Variants in FOXK1 observed in about 807,000 individuals in gnomAD.
FOXK1 encodes forkhead box K1.
A neutral mutation model predicts 51.9 loss-of-function variants in FOXK1; 19 were observed. The observed-to-expected ratio is 0.37, with a 90% confidence interval of 0.26 to 0.54. FOXK1 has a LOEUF of 0.54. Ranked by LOEUF, FOXK1 falls within the 20% of genes least tolerant of loss-of-function variation. FOXK1 has a pLI of 0.87. For synonymous variants in FOXK1, 537 were observed against 482.6 expected, an observed-to-expected ratio of 1.11 and a Z score of -1.48; for missense variants, 870 against 1,032.7, an observed-to-expected ratio of 0.84 and a Z score of 2.16.
intron 2 of FOXK1, 115 bp from the exon 3 acceptor site, chr7:4,754,344 A>G: frequency 8.2e-7 from 1 of 1,225,128 alleles, no homozygotes; most frequent in African/African-American, 1.5e-5. Context: ...TTAAAATTGG[A>G]AAGTGTGAGC....
chr7:4,754,477 A>T lies in FOXK1; in HGVS notation c.765A>T (p.Pro255=). Residue 255 remains proline (P), a synonymous_variant, in exon 3 of 9, where the codon CCA becomes CCT. Transcript: ENST00000328914. Reference sequence around the variant, plus strand: ...TCCTCAGTGTCCCCAACTCCTGCCCAGCCAGTCCACGCGGTGCCGGCTCCT... The same window carrying T: ...TCCTCAGTGTCCCCAACTCCTGCCCTGCCAGTCCACGCGGTGCCGGCTCCT... ...TGTISVPNSC[P]ASPRGAGSSS... 1 of 1,613,310 alleles carries T rather than the reference A, an allele frequency of 6.2e-7. No homozygotes were observed. The highest frequency in any genetic ancestry group is 8.5e-7 in the Non-Finnish European group (1 of 1,179,990).
At chr7:4,685,054 G>T (rs1779801410) in intron 1 of FOXK1, among the ~76,000 whole-genome samples, 1 of 151,946 alleles carries the variant, frequency 6.6e-6, no homozygotes. Flanking sequence ...AGATGTGCGT[G>T]AAGTGCTTGG....
At chr7:4,705,948 A>ATATATATATATATG (rs1562372889) in intron 1 of FOXK1, among the ~76,000 whole-genome samples, 9 of 130,616 alleles carry the variant, frequency 6.9e-5, no homozygotes, top group African/African-American at 3.3e-4. Context: ...TTTCAAAATT[A>ATATATATATATATG]TATATATATA....
rs1284515135 is a variant in FOXK1, at chr7:4,711,691, G to A, written c.560+28823G>A. The stretch of plus-strand genomic sequence containing the variant: ...TATCTGCATCACCCATAAGGGGTGG[G>A]CAGTGGTGCTGCCGTGTCTTGTCAG... On this transcript the variant is annotated intron_variant, in intron 1 of 8. Coordinates refer to ENST00000328914, the MANE Select transcript of FOXK1 (RefSeq NM_001037165.2). The surrounding 1 kb of genome is among the most constrained non-coding windows in gnomAD (Gnocchi z 6.3). 6.6e-6 allele frequency among the ~76,000 whole-genome samples: 1 copy of A among 152,222 alleles called. No individual in the cohort carries two copies. The highest frequency in any genetic ancestry group is 1.5e-5 in the Non-Finnish European group (1 of 68,038).
chr7:4,762,377 C>G lies in FOXK1; in HGVS notation c.2115C>G (p.Ser705=). ...SSTGEPEVKR[S]RVEEPSGAVT... ...CTGGAGAGCCCGAGGTCAAAAGGTCCCGGGTGGAGGAGCCCAGTGGTGCTG... is the reference window on the plus strand; with the variant it reads ...CTGGAGAGCCCGAGGTCAAAAGGTCGCGGGTGGAGGAGCCCAGTGGTGCTG... The change falls in exon 9 of 9, where the codon TCC becomes TCG. Residue 705 remains serine, a synonymous_variant. Coordinates refer to ENST00000328914, the MANE Select transcript of FOXK1 (RefSeq NM_001037165.2). The surrounding 1 kb of genome is among the most constrained non-coding windows in gnomAD (Gnocchi z 5.7). 1 of 1,550,082 alleles carries G rather than the reference C, an allele frequency of 6.5e-7. No homozygotes were observed. The highest frequency in any genetic ancestry group is 2.0e-5 in the Admixed American group (1 of 51,080).
chr7:4,727,099 C>T (rs942539440), intron 1 of FOXK1, among the ~76,000 whole-genome samples: 1 of 151,962 alleles, frequency 6.6e-6, no homozygotes, highest in African/African-American at 2.4e-5. Context: ...GCATGCACCA[C>T]TATGCCAGGC....
chr7:4,757,634 C>CAAAAAAAAAAAAAAAAAAA (rs59200954), intron 5 of FOXK1, among the ~76,000 whole-genome samples: 1 of 20,196 alleles, frequency 5.0e-5, no homozygotes, highest in African/African-American at 9.1e-5. Flanking sequence ...AACTCCGTCT[C>CAAAAAAAAAAAAAAAAAAA]AAAAAAAAAA....
chr7:4,711,697 G>C lies in FOXK1; in HGVS notation c.560+28829G>C, dbSNP rs1011549955. Among the ~76,000 whole-genome samples, 1 of 152,250 alleles carries C rather than the reference G, an allele frequency of 6.6e-6. No individual in the cohort carries two copies. The highest frequency in any genetic ancestry group is 2.4e-5 in the African/African-American group (1 of 41,468). ...CATCACCCATAAGGGGTGGGCAGTG[G>C]TGCTGCCGTGTCTTGTCAGGAGGCC... On this transcript the variant is annotated intron_variant, in intron 1 of 8. Transcript: ENST00000328914. The surrounding 1 kb of genome is among the most constrained non-coding windows in gnomAD (Gnocchi z 6.3).
chr7:4,750,762 T>A (rs1164660175), intron 2 of FOXK1, among the ~76,000 whole-genome samples: 1 of 151,922 alleles, frequency 6.6e-6, no homozygotes, highest in African/African-American at 2.4e-5. Flanking sequence ...TGGAGTACAA[T>A]GGCATAATCT....
In FOXK1 at chr7:4,740,853, TC is replaced by T; in HGVS notation, c.579del (p.Ser194AlafsTer32). ...QLPKQCTFRF[P>X]STAIKIQFTS... ...CCTGTTGCAGGTGTACCTTCCGGTT[TC>T]CCAGCACGGCCATCAAGATCCAGTT... On this transcript the variant is annotated frameshift_variant, in exon 2 of 9. Coordinates refer to ENST00000328914, the MANE Select transcript of FOXK1 (RefSeq NM_001037165.2). LOFTEE classifies it high-confidence loss of function. 2 of 1,595,922 alleles carry T rather than the reference TC, an allele frequency of 1.3e-6. No individual in the cohort carries two copies. Among genetic ancestry groups the T allele is most frequent in the South Asian group, 1.1e-5 (1 of 88,140 alleles).
In FOXK1 at chr7:4,740,991, C is replaced by G; in HGVS notation, c.714C>G (p.Val238=). The part of the protein sequence containing the change: ...HIPEPDLRSM[V]SPVPSPTGTI... ...CGGAGCCGGACCTCCGGAGCATGGTCAGCCCCGTCCCCTCCCCGACGGGCA... is the reference window on the plus strand; with the variant it reads ...CGGAGCCGGACCTCCGGAGCATGGTGAGCCCCGTCCCCTCCCCGACGGGCA... The change falls in exon 2 of 9, where the codon GTC becomes GTG. Residue 238 remains valine (V), a synonymous_variant. Coordinates refer to ENST00000328914, the MANE Select transcript of FOXK1 (RefSeq NM_001037165.2). 6.5e-7 allele frequency: 1 copy of G among 1,538,738 alleles called. No individual in the cohort carries two copies. Among genetic ancestry groups the G allele is most frequent in the South Asian group, 1.2e-5 (1 of 80,040 alleles).
In FOXK1 at chr7:4,756,892, G is replaced by C; in HGVS notation, c.1051-102G>C. 7.7e-7 allele frequency: 1 copy of C among 1,294,508 alleles called. No individual in the cohort carries two copies. The highest frequency in any genetic ancestry group is 1.1e-6 in the Non-Finnish European group (1 of 928,664). 80.2% of individuals were successfully genotyped at this position (1,294,508 alleles called of 1,614,324 possible). On this transcript the variant is annotated intron_variant, in intron 4 of 8. Coordinates refer to ENST00000328914, the MANE Select transcript of FOXK1 (RefSeq NM_001037165.2). This position sits in a 1 kb window ranked among gnomAD's most constrained non-coding sequence, Gnocchi z 4.1. ...CACCAAGGGCTCTGCACAGAGGGAC[G>C]GCCTCCCCTCACCCTGGTCCCGCAT...
In FOXK1 at chr7:4,707,574, G is replaced by T. The variant is rs573651562; in HGVS notation, c.560+24706G>T. ...TGGGAGTCGGTGAATTGTCTCTTAC[G>T]CCTTCCTTTCCGGGTTTTCCTGGAG... On this transcript the variant is annotated intron_variant, in intron 1 of 8. Transcript: ENST00000328914. The surrounding 1 kb of genome is among the most constrained non-coding windows in gnomAD (Gnocchi z 4.1). 6.6e-6 allele frequency among the ~76,000 whole-genome samples: 1 copy of T among 152,090 alleles called. No homozygotes were observed. Among genetic ancestry groups the T allele is most frequent in the Non-Finnish European group, 1.5e-5 (1 of 68,006 alleles).
chr7:4,725,175 T>A (rs1223472665), intron 1 of FOXK1, among the ~76,000 whole-genome samples: 1 of 152,256 alleles, frequency 6.6e-6, no homozygotes, highest in African/African-American at 2.4e-5. Flanking sequence ...TCTCTGAATT[T>A]GTTTCATTTC....
At chr7:4,706,031 T>TACGTATATATACGTATATAC (rs1780095850) in intron 1 of FOXK1, among the ~76,000 whole-genome samples, 2 of 108,506 alleles carry the variant, frequency 1.8e-5, no homozygotes, top group African/African-American at 1.3e-4. Context: ...TACGTGTATA[T>TACGTATATATACGTATATAC]ACGTGTATAT....
At chr7:4,704,937 T>G (rs1780064578) in intron 1 of FOXK1, among the ~76,000 whole-genome samples, 1 of 151,148 alleles carries the variant, frequency 6.6e-6, no homozygotes, top group Admixed American at 6.6e-5. Context: ...GTTCAAGTGA[T>G]TCTCCTGCCT....
In FOXK1 at chr7:4,749,911, G is replaced by A. The variant is rs546668842; in HGVS notation, c.747-4548G>A. Among the ~76,000 whole-genome samples, 4 of 152,320 alleles carry A rather than the reference G, an allele frequency of 2.6e-5. No individual in the cohort carries two copies. The highest frequency in any genetic ancestry group is 3.9e-4 in the East Asian group (2 of 5,176). ...CAGCGACCTGTGTGTCCCACAGCCC[G>A]TCCGTCCCTCTGCAGTCTCCCTGCA... On this transcript the variant is annotated intron_variant, in intron 2 of 8. Coordinates refer to ENST00000328914, the MANE Select transcript of FOXK1 (RefSeq NM_001037165.2). The surrounding 1 kb of genome is among the most constrained non-coding windows in gnomAD (Gnocchi z 6.0).
chr7:4,705,905 TTATA>T (rs943246156), intron 1 of FOXK1, among the ~76,000 whole-genome samples: 3 of 149,180 alleles, frequency 2.0e-5, no homozygotes, highest in African/African-American at 7.4e-5. Context: ...AGCTTTTAGG[TTATA>T]TATCTATATA....
At chr7:4,742,917 T>C (rs1051392362) in intron 2 of FOXK1, among the ~76,000 whole-genome samples, 2 of 152,010 alleles carry the variant, frequency 1.3e-5, no homozygotes, top group African/African-American at 4.8e-5. Context: ...TGGGTGGGAG[T>C]GTCTCTCGTG....
Sources: allele counts gnomAD v4.1 joint callset (sites outside exome capture counted in the v4.1 genomes callset), GRCh38; gene constraint gnomAD v4.1.1; non-coding constraint Gnocchi (gnomAD v3.1); transcripts MANE v1.5; gene names NCBI Gene and HGNC (gene_info 2026-07-23, HGNC 2026-07-21).